The following LMF1 variants were observed in gnomAD, a reference collection of about 807,000 sequenced individuals.
LMF1 encodes transmembrane protein 112.
In LMF1, 68 loss-of-function variants were observed where a neutral mutation model predicts 60.6. The observed-to-expected ratio is 1.12, with a 90% confidence interval of 0.92 to 1.37. The LOEUF (loss-of-function observed/expected upper bound fraction) is 1.37, where lower values mean the gene tolerates loss of function less well. Ranked by LOEUF, LMF1 falls within the 40% of genes most tolerant of loss-of-function variation. LMF1 has a pLI of 0.00. For missense variants in LMF1, 948 were observed against 767.2 expected (o/e 1.24, Z -2.78); for synonymous variants, 418 against 324.7 (o/e 1.29, Z -3.09).
At chr16:913,598 C>G (rs2071184396) in intron 3 of LMF1, among the ~76,000 whole-genome samples, 3 of 152,264 alleles carry the variant, frequency 2.0e-5, no homozygotes, top group Admixed American at 1.3e-4. Context: ...TGCCCTCCCC[C>G]TCAGGATTCA....
At chr16:924,650 G>T (rs767299406) in intron 3 of LMF1, among the ~76,000 whole-genome samples, 59 of 152,318 alleles carry the variant, frequency 3.9e-4, no homozygotes, top group South Asian at 2.3e-3. Flanking sequence ...GACATACCCA[G>T]AAGTGGGTAG....
In LMF1 at chr16:939,532, C is replaced by T. The variant is rs549065234; in HGVS notation, c.504-5278G>A. 2.7e-3 allele frequency among the ~76,000 whole-genome samples: 410 copies of T among 152,360 alleles called. 5 individuals are homozygous for T. Among genetic ancestry groups the T allele is most frequent in the African/African-American group, 9.4e-3 (391 of 41,586 alleles). ...TGCCGCCGAGCAGCGGAGGTCCAGA[C>T]GGGCGCGTGGCATCTGGGGCAATGA... On this transcript the variant is annotated intron_variant, in intron 2 of 10. Coordinates refer to ENST00000262301, the MANE Select transcript of LMF1 (RefSeq NM_022773.4).
intron 4 of LMF1, chr16:901,290 T>C (rs947175302): frequency 5.9e-5 from 9 of 151,790 alleles, no homozygotes; most frequent in African/African-American, 2.2e-4. Flanking sequence ...TGATCAACGG[T>C]GGTTTGGCTC....
intron 2 of LMF1, among the ~76,000 whole-genome samples, chr16:937,824 G>C (rs2071987140): frequency 6.6e-6 from 1 of 152,244 alleles, no homozygotes; most frequent in East Asian, 1.9e-4. Flanking sequence ...CTAGTGCAAA[G>C]AACTTTGCTG....
intron 3 of LMF1, among the ~76,000 whole-genome samples, chr16:928,755 C>T (rs2071684905): frequency 6.6e-6 from 1 of 151,920 alleles, no homozygotes; most frequent in African/African-American, 2.4e-5. Context: ...CCCCACGCCC[C>T]CACGGGCCCA....
intron 10 of LMF1, among the ~76,000 whole-genome samples, chr16:865,775 T>G (rs1419415321): frequency 6.6e-6 from 1 of 152,216 alleles, no homozygotes; most frequent in Non-Finnish European, 1.5e-5. Flanking sequence ...TCTGATGACA[T>G]GAATTCTGGA....
chr16:944,616 T>C (rs902273884), intron 2 of LMF1, among the ~76,000 whole-genome samples: 2 of 152,190 alleles, frequency 1.3e-5, no homozygotes, highest in East Asian at 1.9e-4. Flanking sequence ...GACGGTTTCA[T>C]AGTGGGGAGG....
At position 854,666 on chromosome 16, in the gene LMF1, G is replaced by A. The variant is rs764868188; in HGVS notation, c.1570C>T (p.Pro524Ser). Residue 524 changes from proline (P) to serine (S), a missense_variant, in exon 11 of 11, where the codon CCT (proline) becomes TCT (serine). Physicochemically the swap from Pro to Ser is moderately conservative, Grantham distance 74. Transcript: ENST00000262301. ...GEHYRYKFSRPGGRHAAEGKW... is the reference protein window; with the variant it reads ...GEHYRYKFSRSGGRHAAEGKW... Reference sequence around the variant, plus strand: ...CCCTCGGCGGCGTGCCTGCCCCCAGGACGGCTGAACTTGTACCTGTAGTGC... The same window carrying A: ...CCCTCGGCGGCGTGCCTGCCCCCAGAACGGCTGAACTTGTACCTGTAGTGC... The A allele has an allele frequency of 5.0e-6, 8 of 1,604,124 alleles. No individual in the cohort carries two copies. In the East Asian group the frequency reaches 1.8e-4, roughly 36 times the overall value.
chr16:867,863 C>A (rs1030912120), intron 10 of LMF1, among the ~76,000 whole-genome samples: 1 of 152,146 alleles, frequency 6.6e-6, no homozygotes, highest in Admixed American at 6.5e-5. Flanking sequence ...AGACTCGGGC[C>A]CAGCTGCTCC....
chr16:963,807 T>C (rs569706991), intron 1 of LMF1, among the ~76,000 whole-genome samples: 125 of 152,074 alleles, frequency 8.2e-4, no homozygotes, highest in African/African-American at 3.0e-3. Flanking sequence ...GCTTCCTGCT[T>C]ATCAGGAAAA....
chr16:899,223 A>G (rs2070743373), intron 4 of LMF1: 1 of 152,344 alleles, frequency 6.6e-6, no homozygotes, highest in Admixed American at 6.5e-5. Context: ...GGTCGGAGGC[A>G]CAAAGCGCTT....
intron 1 of LMF1, among the ~76,000 whole-genome samples, chr16:977,340 T>C (rs898142763): frequency 1.3e-5 from 2 of 151,708 alleles, no homozygotes; most frequent in East Asian, 1.9e-4. Context: ...CCGAAGGGGG[T>C]CTTGAGAGGG....
At chr16:865,890 T>G (rs534974481) in intron 10 of LMF1, among the ~76,000 whole-genome samples, 6 of 152,332 alleles carry the variant, frequency 3.9e-5, no homozygotes, top group African/African-American at 4.8e-5. Flanking sequence ...TGTTTAAGTT[T>G]ATTGATTCTT....
intron 4 of LMF1, among the ~76,000 whole-genome samples, chr16:907,324 C>T (rs935477773): frequency 2.0e-5 from 3 of 152,042 alleles, no homozygotes; most frequent in Non-Finnish European, 4.4e-5. Context: ...TGGCGTGAAC[C>T]CAGGAGGCAG....
chr16:894,964 G>T (rs1445239306), intron 4 of LMF1, among the ~76,000 whole-genome samples: 1 of 152,092 alleles, frequency 6.6e-6, no homozygotes, highest in African/African-American at 2.4e-5. Flanking sequence ...GGAGCCCCGG[G>T]GCGGGGTGGG....
chr16:977,766 G>A (rs1196446506), intron 1 of LMF1, among the ~76,000 whole-genome samples: 1 of 151,894 alleles, frequency 6.6e-6, no homozygotes, highest in Non-Finnish European at 1.5e-5. Flanking sequence ...CCTCTCCAGG[G>A]TGGCATTTCC....
chr16:941,236 AT>A (rs535526108), intron 2 of LMF1, among the ~76,000 whole-genome samples: 1,661 of 148,338 alleles, frequency 0.011, 24 homozygotes, highest in African/African-American at 0.038. Context: ...TTTTAAATTG[AT>A]TTTTTTTTTT....
At chr16:875,330 A>T (rs1048751773) in intron 6 of LMF1, among the ~76,000 whole-genome samples, 2 of 151,972 alleles carry the variant, frequency 1.3e-5, no homozygotes, top group African/African-American at 2.4e-5. Flanking sequence ...CATGCTTGGG[A>T]GGGTCCCTGT....
intron 1 of LMF1, among the ~76,000 whole-genome samples, 170 bp from the exon 2 acceptor site, chr16:954,836 TG>T (rs1395987111): frequency 6.6e-6 from 1 of 152,186 alleles, no homozygotes; most frequent in African/African-American, 2.4e-5. Flanking sequence ...CTCAAGATTT[TG>T]GGGGAAACAC....
Sources: allele counts gnomAD v4.1 joint callset (sites outside exome capture counted in the v4.1 genomes callset), GRCh38; gene constraint gnomAD v4.1.1; transcripts MANE v1.5; gene names NCBI Gene and HGNC (gene_info 2026-07-23, HGNC 2026-07-21).